Variants in BCHE observed in about 807,000 individuals in gnomAD.
BCHE encodes cholinesterase.
In BCHE, 48 loss-of-function variants were observed where a neutral mutation model predicts 51.3. The ratio of observed to expected loss-of-function variants is 0.94; its 90% CI spans 0.74 to 1.19. The LOEUF (loss-of-function observed/expected upper bound fraction) is 1.19, where lower values mean the gene tolerates loss of function less well. BCHE is among the 50% of genes most tolerant of loss of function. The pLI, the probability that BCHE is intolerant of heterozygous loss-of-function variation, is 0.00. For missense variants in BCHE, 847 were observed against 708.2 expected, an observed-to-expected ratio of 1.20 and a Z score of -2.23; for synonymous variants, 251 against 238.0, an observed-to-expected ratio of 1.05 and a Z score of -0.50.
At chr3:165,792,469 A>G (rs1713206795) in intron 2 of BCHE, among the ~76,000 whole-genome samples, 1 of 152,212 alleles carries the variant, frequency 6.6e-6, no homozygotes, top group Non-Finnish European at 1.5e-5. Flanking sequence ...GCGACATCAT[A>G]AAACTCAAAT....
At chr3:165,834,626 G>GT (rs1246818351) in intron 1 of BCHE, among the ~76,000 whole-genome samples, 1 of 151,800 alleles carries the variant, frequency 6.6e-6, no homozygotes, top group Non-Finnish European at 1.5e-5. Context: ...CTACTCTGTA[G>GT]TTTTGCCATT....
At chr3:165,799,924 T>C (rs1713572529) in intron 2 of BCHE, among the ~76,000 whole-genome samples, 1 of 152,220 alleles carries the variant, frequency 6.6e-6, no homozygotes, top group East Asian at 1.9e-4. Context: ...ATTATTTTAC[T>C]GATCATTAGT....
intron 2 of BCHE, among the ~76,000 whole-genome samples, chr3:165,824,426 G>A (rs140489884): frequency 1.9e-4 from 29 of 151,996 alleles, no homozygotes; most frequent in South Asian, 6.2e-4. Flanking sequence ...TAAATTTGAC[G>A]AAGGGCAAAA....
At chr3:165,831,082 A>G (rs370502057) in intron 1 of BCHE, 41 bp from the exon 2 acceptor site, 440 of 1,475,346 alleles carry the variant, frequency 3.0e-4, no homozygotes, top group Non-Finnish European at 3.8e-4. Flanking sequence ...AGCCTTCTGC[A>G]TATAGCATAT....
chr3:165,797,163 C>T (rs1381938690), intron 2 of BCHE, among the ~76,000 whole-genome samples: 1 of 120,634 alleles, frequency 8.3e-6, no homozygotes, highest in East Asian at 2.9e-4. Context: ...CTTCCTTCTT[C>T]CCTCCCTTCC....
chr3:165,797,827 G>T (rs562314880), intron 2 of BCHE, among the ~76,000 whole-genome samples: 1 of 152,182 alleles, frequency 6.6e-6, no homozygotes, highest in Non-Finnish European at 1.5e-5. Flanking sequence ...TTTTGTAGTA[G>T]CATATACAAA....
chr3:165,803,313 G>C (rs1365158680), intron 2 of BCHE, among the ~76,000 whole-genome samples: 1 of 152,092 alleles, frequency 6.6e-6, no homozygotes, highest in East Asian at 1.9e-4. Flanking sequence ...GGATCAATCC[G>C]TTAAGTAAAT....
At chr3:165,786,483 T>C (rs1224156819) in intron 2 of BCHE, among the ~76,000 whole-genome samples, 172 bp from the exon 3 acceptor site, 4 of 151,866 alleles carry the variant, frequency 2.6e-5, no homozygotes, top group Non-Finnish European at 4.4e-5. Flanking sequence ...GTTTGAGCAC[T>C]GAGAACCACT....
intron 1 of BCHE, among the ~76,000 whole-genome samples, chr3:165,835,196 C>CTT (rs10653588): frequency 0.79 from 119,123 of 151,230 alleles, 47,151 homozygotes; most frequent in Admixed American, 0.83. Flanking sequence ...GGTGACAAAT[C>CTT]TTTTTTTGTA....
At chr3:165,836,626 C>A (rs1715199382) in intron 1 of BCHE, among the ~76,000 whole-genome samples, 1 of 151,928 alleles carries the variant, frequency 6.6e-6, no homozygotes, top group African/African-American at 2.4e-5. Context: ...GCAGAAAGTA[C>A]ATTTGCTTAC....
intron 1 of BCHE, 143 bp from the exon 2 acceptor site, chr3:165,831,184 A>T (rs1714972761): frequency 1.5e-6 from 1 of 654,044 alleles, no homozygotes; most frequent in Non-Finnish European, 2.4e-6. Context: ...AAAGGCCTAC[A>T]TAGGAAAAAA....
At chr3:165,800,787 CAT>C (rs1713606546) in intron 2 of BCHE, among the ~76,000 whole-genome samples, 1 of 152,048 alleles carries the variant, frequency 6.6e-6, no homozygotes, top group Middle Eastern at 3.2e-3. Flanking sequence ...TATTGCCTGA[CAT>C]GTGCCAGGAA....
At chr3:165,824,786 T>G (rs1360700002) in intron 2 of BCHE, among the ~76,000 whole-genome samples, 1 of 151,932 alleles carries the variant, frequency 6.6e-6, no homozygotes, top group Non-Finnish European at 1.5e-5. Context: ...TTTAGTTAAA[T>G]ATATCCAAGG....
At chr3:165,775,902 C>T (rs1055756904) in intron 3 of BCHE, among the ~76,000 whole-genome samples, 17 of 151,812 alleles carry the variant, frequency 1.1e-4, no homozygotes, top group African/African-American at 4.1e-4. Flanking sequence ...CAAAATTAAA[C>T]GTTTTCCTCT....
chr3:165,827,426 A>C (rs1040534013), intron 2 of BCHE, among the ~76,000 whole-genome samples: 12 of 151,446 alleles, frequency 7.9e-5, no homozygotes, highest in Non-Finnish European at 1.6e-4. Context: ...GTTAATATTA[A>C]ATAACCTTAT....
intron 2 of BCHE, among the ~76,000 whole-genome samples, chr3:165,810,093 TC>T (rs1714036044): frequency 6.6e-6 from 1 of 152,140 alleles, no homozygotes; most frequent in African/African-American, 2.4e-5. Context: ...TTGAAATAAT[TC>T]TTTAACATCA....
Position 165,797,592 on chromosome 3 carries a change from T to G in BCHE, c.1518-11281A>C, listed in dbSNP as rs144072709. Reference sequence around the variant, plus strand: ...CAAATGTACTTTCAAATAATGGCACTAGAACACTTATTTTAATAAGGGGGC... The same window carrying G: ...CAAATGTACTTTCAAATAATGGCACGAGAACACTTATTTTAATAAGGGGGC... On this transcript the variant is annotated intron_variant, in intron 2 of 3. Transcript: ENST00000264381. Among the ~76,000 whole-genome samples, 1,020 of 152,000 alleles carry G rather than the reference T, an allele frequency of 6.7e-3. 17 individuals are homozygous for G. The highest frequency in any genetic ancestry group is 0.039 in the Admixed American group (589 of 15,266).
intron 2 of BCHE, among the ~76,000 whole-genome samples, chr3:165,790,535 T>TA (rs2108205791): frequency 6.6e-6 from 1 of 152,310 alleles, no homozygotes; most frequent in South Asian, 2.1e-4. Context: ...TTATAAAATC[T>TA]GACAGAGTCC....
intron 1 of BCHE, among the ~76,000 whole-genome samples, chr3:165,831,543 C>A (rs1384380409): frequency 6.6e-6 from 1 of 152,124 alleles, no homozygotes; most frequent in Non-Finnish European, 1.5e-5. Flanking sequence ...CATTATTGTC[C>A]TTTTCTGTTT....
Sources: gnomAD v4.1 joint callset for allele counts (sites outside exome capture counted in the v4.1 genomes callset) on GRCh38, gnomAD v4.1.1 for gene constraint, MANE v1.5 for transcripts, NCBI Gene and HGNC (gene_info 2026-07-23, HGNC 2026-07-21) for gene names.